CR1: variants seen among roughly 807,000 people sequenced by gnomAD.
The protein encoded by CR1 is complement C3b/C4b receptor 1 (Knops blood group), also known as complement receptor type 1.
CR1 carries 116 observed loss-of-function variants against 187.3 expected under a neutral mutation model. The observed-to-expected ratio is 0.62, with a 90% CI of 0.53 to 0.72. CR1 has a LOEUF of 0.72. CR1 is among the 30% of genes least tolerant of loss of function. The pLI, the probability that CR1 is intolerant of heterozygous loss-of-function variation, is 0.00. For missense variants in CR1, 1,731 were observed against 2,110.7 expected (o/e 0.82, Z 3.52); for synonymous variants, 576 against 747.1 (o/e 0.77, Z 3.73).
In CR1 at chr1:207,609,483, C is replaced by G; in HGVS notation, c.6090C>G (p.Ser2030Arg). Residue 2030 changes from serine (S) to arginine (R), a missense_variant, in exon 37 of 47, where the codon AGC (serine) becomes AGG (arginine). Around this residue, in one of 5 missense-constraint regions of CR1, gnomAD observed 1,312 missense variants for 1,379.6 expected, o/e 0.95. Transcript: ENST00000367049. ...SKDDQVGVWS[S>R]PPPRCISTNK... ...ATGATCAAGTTGGTGTTTGGAGCAGCCCTCCCCCTCGGTGTATTTCTACTA... is the reference window on the plus strand; with the variant it reads ...ATGATCAAGTTGGTGTTTGGAGCAGGCCTCCCCCTCGGTGTATTTCTACTA... The G allele has an allele frequency of 1.2e-6, 2 of 1,613,956 alleles. No individual in the cohort carries two copies. The highest frequency in any genetic ancestry group is 1.3e-5 in the African/African-American group (1 of 75,040).
At position 207,599,630 on chromosome 1, in the gene CR1, T is replaced by C. The variant is rs570826653; in HGVS notation, c.5811-7621T>C. Among the ~76,000 whole-genome samples, 4 of 152,348 alleles carry C rather than the reference T, an allele frequency of 2.6e-5. No individual in the cohort carries two copies. The East Asian group carries it at 7.7e-4, about 29-fold the overall frequency. On this transcript the variant is annotated intron_variant, in intron 35 of 46. Coordinates refer to ENST00000367049, the MANE Select transcript of CR1 (RefSeq NM_000651.6). ...ATAAGACGTCTACTATGAACTATTTTGCAGCAATCAAGAAGACTTAATTAG... is the reference window on the plus strand; with the variant it reads ...ATAAGACGTCTACTATGAACTATTTCGCAGCAATCAAGAAGACTTAATTAG...
chr1:207,578,305 G>A (rs1436969794), intron 29 of CR1, 102 bp downstream of exon 29: 7 of 1,596,172 alleles, frequency 4.4e-6, no homozygotes, highest in Non-Finnish European at 6.0e-6. Flanking sequence ...TGGTGAGGAG[G>A]GTGGGAAAGT....
intron 46 of CR1, among the ~76,000 whole-genome samples, chr1:207,634,798 A>AC (rs967111138): frequency 2.0e-5 from 3 of 151,858 alleles, no homozygotes; most frequent in African/African-American, 2.4e-5. Flanking sequence ...TCTGAAGCTG[A>AC]CCCCTCCAAG....
At chr1:207,608,392 TAA>T (rs1413908480) in intron 36 of CR1, among the ~76,000 whole-genome samples, 3 of 152,230 alleles carry the variant, frequency 2.0e-5, no homozygotes, top group Non-Finnish European at 2.9e-5. Flanking sequence ...CATATGTATC[TAA>T]GAGGATATAA....
At chr1:207,589,634 T>G (rs1382941681) in intron 35 of CR1, among the ~76,000 whole-genome samples, 3 of 152,128 alleles carry the variant, frequency 2.0e-5, no homozygotes, top group Non-Finnish European at 4.4e-5. Flanking sequence ...TTGACAGAAG[T>G]AGGCTTCAGA....
At chr1:207,618,425 T>C (rs1250259885) in intron 42 of CR1, among the ~76,000 whole-genome samples, 178 bp downstream of exon 42, 6 of 152,232 alleles carry the variant, frequency 3.9e-5, no homozygotes, top group African/African-American at 1.4e-4. Flanking sequence ...CCTCTTTGCA[T>C]GGTCGATAGC....
chr1:207,614,626 A>G, intron 40 of CR1, 137 bp downstream of exon 40: 1 of 613,716 alleles, frequency 1.6e-6, no homozygotes, highest in Non-Finnish European at 2.7e-6. Context: ...TGTTGGAAGA[A>G]TTTCAAGAAG....
intron 2 of CR1, 69 bp from the exon 3 acceptor site, chr1:207,506,645 G>A: frequency 7.8e-7 from 1 of 1,279,596 alleles, no homozygotes; most frequent in South Asian, 1.2e-5. Context: ...GGCAGGTTGA[G>A]ACCTTATGTA....
chr1:207,503,228 A>G (rs1204426491), intron 1 of CR1, among the ~76,000 whole-genome samples: 2 of 152,204 alleles, frequency 1.3e-5, no homozygotes, highest in African/African-American at 4.8e-5. Flanking sequence ...GCTCAGCAAG[A>G]TTAAGCGGTT....
intron 46 of CR1, among the ~76,000 whole-genome samples, chr1:207,632,208 C>G (rs568943209): frequency 6.6e-6 from 1 of 152,230 alleles, no homozygotes; most frequent in South Asian, 2.1e-4. Flanking sequence ...ATGAAATATG[C>G]ATTGCTTTTT....
chr1:207,605,269 AAAG>A (rs1205031729), intron 35 of CR1, among the ~76,000 whole-genome samples: 12 of 151,276 alleles, frequency 7.9e-5, no homozygotes, highest in East Asian at 3.9e-4. Context: ...AAAAAAAAAA[AAAG>A]AAAGAAAGAA....
chr1:207,502,979 A>G (rs1659319191), intron 1 of CR1, among the ~76,000 whole-genome samples: 1 of 152,230 alleles, frequency 6.6e-6, no homozygotes, highest in Non-Finnish European at 1.5e-5. Flanking sequence ...GCATAGGCTC[A>G]TTCCAAGCTA....
chr1:207,627,180 A>G (rs1662506690), intron 45 of CR1, among the ~76,000 whole-genome samples: 1 of 152,376 alleles, frequency 6.6e-6, no homozygotes, highest in Middle Eastern at 3.4e-3. Flanking sequence ...CTATCCTAGT[A>G]AAGATGACAT....
At chr1:207,575,216 C>CAT (rs1310865412) in intron 27 of CR1, among the ~76,000 whole-genome samples, 1 of 151,770 alleles carries the variant, frequency 6.6e-6, no homozygotes, top group Non-Finnish European at 1.5e-5. Flanking sequence ...CACACACACA[C>CAT]ACACACACAC....
intron 42 of CR1, among the ~76,000 whole-genome samples, chr1:207,618,931 C>T (rs1207021038): frequency 1.4e-5 from 2 of 147,840 alleles, no homozygotes; most frequent in Admixed American, 6.8e-5. Flanking sequence ...CCCAGCTACT[C>T]GTGAGGCTGA....
rs542861500 is a variant in CR1, at chr1:207,640,090, G to C, written c.*681G>C. 21 of 152,304 alleles carry C rather than the reference G, an allele frequency of 1.4e-4. No individual in the cohort carries two copies. Among genetic ancestry groups the C allele is most frequent in the African/African-American group, 4.6e-4 (19 of 41,572 alleles). The allele number at this position is 152,304 out of a possible 1,614,324, so 9.4% of individuals were successfully genotyped here. A position where few individuals can be genotyped will look rare whatever the true frequency, so the allele number is the denominator to read the frequency against. The stretch of plus-strand genomic sequence containing the variant: ...CATGGGAAGAGTGGTTAAGACTACT[G>C]AAGAGAAATATTTGGAAAATAAGAT... On this transcript the variant is annotated 3_prime_UTR_variant, in exon 47 of 47. Coordinates refer to ENST00000367049, the MANE Select transcript of CR1 (RefSeq NM_000651.6).
intron 3 of CR1, among the ~76,000 whole-genome samples, chr1:207,511,014 T>A (rs11117956): frequency 6.6e-6 from 1 of 151,530 alleles, no homozygotes; most frequent in Admixed American, 6.6e-5. Flanking sequence ...TACAGACAGC[T>A]TCTCACTATA....
chr1:207,592,581 G>A (rs539838655), intron 35 of CR1, among the ~76,000 whole-genome samples: 2 of 152,292 alleles, frequency 1.3e-5, no homozygotes, highest in South Asian at 4.1e-4. Flanking sequence ...CATAGTATTG[G>A]AAGCTCTGGC....
At chr1:207,614,300 T>C in intron 39 of CR1, 104 bp from the exon 40 acceptor site, 1 of 852,268 alleles carries the variant, frequency 1.2e-6, no homozygotes. Flanking sequence ...TAAATGATAG[T>C]CGAGGAGGAA....
Sources: allele counts gnomAD v4.1 joint callset (sites outside exome capture counted in the v4.1 genomes callset), GRCh38; gene constraint gnomAD v4.1.1; regional missense constraint gnomAD v4.1.1; transcripts MANE v1.5; gene names NCBI Gene and HGNC (gene_info 2026-07-23, HGNC 2026-07-21).